The following CNTNAP2 variants were observed in gnomAD, a reference collection of about 807,000 sequenced individuals.
CNTNAP2 encodes contactin associated protein 2.
CNTNAP2 carries 98 observed loss-of-function variants against 155.2 expected under a neutral mutation model. That is an observed-to-expected ratio of 0.63 (90% confidence interval 0.54 to 0.75). The LOEUF (loss-of-function observed/expected upper bound fraction) is 0.75, where lower values mean the gene tolerates loss of function less well. Among genes scored for constraint, CNTNAP2 ranks in the 30% least tolerant of loss-of-function variants. CNTNAP2 has a pLI of 0.00. For synonymous variants in CNTNAP2, 651 were observed against 631.2 expected (o/e 1.03, Z -0.47); for missense variants, 1,727 against 1,688.1 (o/e 1.02, Z -0.40).
intron 13 of CNTNAP2, among the ~76,000 whole-genome samples, chr7:147,699,528 A>G (rs1245755400): frequency 6.6e-6 from 1 of 152,144 alleles, no homozygotes; most frequent in Non-Finnish European, 1.5e-5. Flanking sequence ...GCAGCAAACC[A>G]TCATGGCATG....
rs143822422 is a variant in CNTNAP2, at chr7:147,712,624, C to G, written c.2098+73318C>G. Among the ~76,000 whole-genome samples the G allele has an allele frequency of 7.8e-3, 1,186 of 152,248 alleles. 16 individuals carry two copies. Among genetic ancestry groups the G allele is most frequent in the African/African-American group, 0.027 (1,138 of 41,552 alleles). ...ATGGATGAAGCTGGAAACCATCATT[C>G]TGAGCAAACTATCGCAAGGACAAAA... On this transcript the variant is annotated intron_variant, in intron 13 of 23. Coordinates refer to ENST00000361727, the MANE Select transcript of CNTNAP2 (RefSeq NM_014141.6).
At chr7:147,780,641 T>C (rs1297576169) in intron 13 of CNTNAP2, among the ~76,000 whole-genome samples, 1 of 152,214 alleles carries the variant, frequency 6.6e-6, no homozygotes, top group Non-Finnish European at 1.5e-5. Context: ...AAGTGAATGA[T>C]TCACTTTGAA....
chr7:148,302,963 C>T (rs1357123513), intron 21 of CNTNAP2, among the ~76,000 whole-genome samples: 3 of 151,750 alleles, frequency 2.0e-5, no homozygotes, highest in African/African-American at 7.3e-5. Context: ...GGATTACAGG[C>T]GCCTACTACT....
chr7:146,759,708 A>G (rs1205714042), intron 1 of CNTNAP2, among the ~76,000 whole-genome samples: 12 of 99,052 alleles, frequency 1.2e-4, no homozygotes, highest in Non-Finnish European at 1.5e-4. Context: ...AAAAAAAAAA[A>G]AAAGGTGGGT....
rs1228657313 is a variant in CNTNAP2, at chr7:147,169,990, T to A, written c.1348+37481T>A. On this transcript the variant is annotated intron_variant, in intron 8 of 23. Coordinates refer to ENST00000361727, the MANE Select transcript of CNTNAP2 (RefSeq NM_014141.6). ...TTAAGAACCATTGCTGAGGAGGTAG[T>A]GGGCTCGTTTGGGGGTAAGGAGGCA... 3.9e-5 allele frequency among the ~76,000 whole-genome samples: 6 copies of A among 152,180 alleles called. No individual in the cohort carries two copies. In the East Asian group the frequency reaches 1.2e-3, roughly 30 times the overall value.
At chr7:148,213,740 T>G (rs1795588734) in intron 18 of CNTNAP2, among the ~76,000 whole-genome samples, 1 of 151,868 alleles carries the variant, frequency 6.6e-6, no homozygotes, top group African/African-American at 2.4e-5. Context: ...CTGCCCTTCC[T>G]GACTCCTCCT....
intron 4 of CNTNAP2, among the ~76,000 whole-genome samples, chr7:147,076,871 CA>C (rs1270392110): frequency 6.6e-6 from 1 of 152,118 alleles, no homozygotes; most frequent in East Asian, 1.9e-4. Context: ...TTGTGAAGGT[CA>C]AACTAGCTAT....
intron 9 of CNTNAP2, among the ~76,000 whole-genome samples, chr7:147,356,113 A>T (rs148877349): frequency 0.018 from 2,807 of 152,246 alleles, 88 homozygotes; most frequent in African/African-American, 0.065. Flanking sequence ...CATCCCTGGG[A>T]TGCAAGGTTG....
chr7:147,635,162 C>T (rs1795154321), intron 12 of CNTNAP2, among the ~76,000 whole-genome samples: 2 of 143,258 alleles, frequency 1.4e-5, no homozygotes, highest in African/African-American at 5.6e-5. Flanking sequence ...TAGCTTTTCT[C>T]CCAGCCATTA....
chr7:146,555,399 A>T (rs1798182136), intron 1 of CNTNAP2, among the ~76,000 whole-genome samples: 1 of 152,126 alleles, frequency 6.6e-6, no homozygotes, highest in Non-Finnish European at 1.5e-5. Flanking sequence ...ACCATCTATT[A>T]TGTATCATCT....
At chr7:148,018,489 G>A (rs191026075) in intron 15 of CNTNAP2, among the ~76,000 whole-genome samples, 1 of 152,314 alleles carries the variant, frequency 6.6e-6, no homozygotes, top group East Asian at 1.9e-4. Flanking sequence ...CAGCTAAGGG[G>A]AAAAACTCAC....
chr7:146,972,995 T>C (rs557380953), intron 3 of CNTNAP2, among the ~76,000 whole-genome samples: 35 of 152,266 alleles, frequency 2.3e-4, no homozygotes, highest in African/African-American at 7.9e-4. Context: ...AAAGTAAAAA[T>C]TCAGTTTCTC....
intron 3 of CNTNAP2, among the ~76,000 whole-genome samples, chr7:147,043,680 T>C (rs1269339395): frequency 2.6e-5 from 4 of 152,360 alleles, no homozygotes; most frequent in African/African-American, 7.2e-5. Flanking sequence ...TTTTAACGTA[T>C]GTTTACATGG....
chr7:146,432,984 C>T (rs1584923067), intron 1 of CNTNAP2, among the ~76,000 whole-genome samples: 1 of 152,132 alleles, frequency 6.6e-6, no homozygotes. Flanking sequence ...GAGACTCGAG[C>T]TAATGAAAAC....
intron 4 of CNTNAP2, among the ~76,000 whole-genome samples, chr7:147,071,705 T>C (rs570979706): frequency 1.3e-5 from 2 of 152,126 alleles, no homozygotes; most frequent in Non-Finnish European, 2.9e-5. Context: ...ATACGGGTAG[T>C]TAAGGCTGAG....
intron 8 of CNTNAP2, among the ~76,000 whole-genome samples, chr7:147,275,480 C>T (rs939398022): frequency 1.3e-5 from 2 of 151,532 alleles, no homozygotes; most frequent in African/African-American, 4.8e-5. Context: ...GTTCTCAGCT[C>T]GAATGCTATT....
chr7:147,596,110 G>A (rs372605556), intron 12 of CNTNAP2, among the ~76,000 whole-genome samples: 21 of 151,850 alleles, frequency 1.4e-4, no homozygotes, highest in African/African-American at 5.1e-4. Context: ...TGTCTCTCAG[G>A]CATCCCCAAT....
At chr7:147,533,825 T>C (rs1031944496) in intron 11 of CNTNAP2, among the ~76,000 whole-genome samples, 1 of 152,218 alleles carries the variant, frequency 6.6e-6, no homozygotes, top group Admixed American at 6.5e-5. Context: ...GCTTCAGTTG[T>C]ACTAGCAACA....
intron 1 of CNTNAP2, among the ~76,000 whole-genome samples, chr7:146,410,471 TA>T (rs1472755300): frequency 6.6e-6 from 1 of 152,170 alleles, no homozygotes; most frequent in Non-Finnish European, 1.5e-5. Flanking sequence ...TTGGAACTCT[TA>T]AGGGGCACTT....
Sources: allele counts gnomAD v4.1 joint callset (sites outside exome capture counted in the v4.1 genomes callset), GRCh38; gene constraint gnomAD v4.1.1; transcripts MANE v1.5; gene names NCBI Gene and HGNC (gene_info 2026-07-23, HGNC 2026-07-21).